Variants in FILIP1L observed in about 807,000 individuals in gnomAD.
FILIP1L encodes the protein filamin A-interacting protein 1-like.
FILIP1L carries 55 observed loss-of-function variants against 96.6 expected under a neutral mutation model. The ratio of observed to expected loss-of-function variants is 0.57; its 90% CI spans 0.46 to 0.71. FILIP1L has a LOEUF of 0.71. Ranked by LOEUF, FILIP1L falls within the 30% of genes least tolerant of loss-of-function variation. FILIP1L has a pLI of 0.00. For missense variants in FILIP1L, 1,304 were observed against 1,321.2 expected, an observed-to-expected ratio of 0.99 and a Z score of 0.20; for synonymous variants, 467 against 473.9, an observed-to-expected ratio of 0.99 and a Z score of 0.19.
intron 4 of FILIP1L, among the ~76,000 whole-genome samples, chr3:99,915,487 G>A (rs949959882): frequency 3.3e-5 from 5 of 152,204 alleles, no homozygotes; most frequent in Non-Finnish European, 5.9e-5. Flanking sequence ...GGAGACTTTG[G>A]ATGTACTTAA....
rs1942834854 is a variant in FILIP1L, at chr3:99,834,921, T to C, written c.3382-4316A>G. On this transcript the variant is annotated intron_variant, in intron 5 of 5. Transcript: ENST00000477258. ...GGATTGAAATACCTACTTGTAAGTT[T>C]TCTTTGGGGAGTAGAGATATTGTGT... 3.3e-5 allele frequency among the ~76,000 whole-genome samples: 5 copies of C among 152,232 alleles called. No homozygotes were observed. The South Asian group carries it at 1.0e-3, about 32-fold the overall frequency.
At chr3:100,095,542 G>A (rs2066190579) in intron 1 of FILIP1L, among the ~76,000 whole-genome samples, 1 of 151,774 alleles carries the variant, frequency 6.6e-6, no homozygotes, top group South Asian at 2.1e-4. Context: ...CCAATAAATG[G>A]TGCTAGGAAA....
intron 4 of FILIP1L, among the ~76,000 whole-genome samples, chr3:99,903,796 T>G (rs1201438773): frequency 2.6e-5 from 4 of 152,166 alleles, no homozygotes; most frequent in Non-Finnish European, 4.4e-5. Flanking sequence ...TTTACTAAGA[T>G]GCTTCATATA....
chr3:99,991,447 A>G (rs1487656321), intron 1 of FILIP1L, among the ~76,000 whole-genome samples: 1 of 152,092 alleles, frequency 6.6e-6, no homozygotes, highest in African/African-American at 2.4e-5. Flanking sequence ...TTGATTTTAA[A>G]TCTATCTTTT....
In FILIP1L at chr3:99,829,652, G is replaced by C. The variant is rs755751471; in HGVS notation, c.*762C>G. 6.6e-6 allele frequency among the ~76,000 whole-genome samples: 1 copy of C among 152,136 alleles called. No homozygotes were observed. The highest frequency in any genetic ancestry group is 2.1e-4 in the South Asian group (1 of 4,828). ...GCTTTTGTTGAATCAACTGATTTTCGATAGTGTTTATTCAGAGAAGAGATA... is the reference window on the plus strand; with the variant it reads ...GCTTTTGTTGAATCAACTGATTTTCCATAGTGTTTATTCAGAGAAGAGATA... On this transcript the variant is annotated 3_prime_UTR_variant, in exon 6 of 6. Transcript: ENST00000477258.
At chr3:99,901,343 T>G (rs1401221297) in intron 4 of FILIP1L, among the ~76,000 whole-genome samples, 1 of 152,204 alleles carries the variant, frequency 6.6e-6, no homozygotes, top group Non-Finnish European at 1.5e-5. Flanking sequence ...GTTTATGGTT[T>G]GTTGTCTCAG....
chr3:99,868,859 T>G (rs1944644941), intron 4 of FILIP1L, among the ~76,000 whole-genome samples: 1 of 152,206 alleles, frequency 6.6e-6, no homozygotes, highest in South Asian at 2.1e-4. Flanking sequence ...CCACAGCCCT[T>G]ACAGCTTTAT....
chr3:99,914,589 G>C (rs1023110082), intron 4 of FILIP1L, among the ~76,000 whole-genome samples: 1 of 152,152 alleles, frequency 6.6e-6, no homozygotes, highest in Non-Finnish European at 1.5e-5. Context: ...AAGTTATAAA[G>C]TAAGAAATTG....
At chr3:99,920,558 G>T (rs1379342030) in intron 4 of FILIP1L, among the ~76,000 whole-genome samples, 1 of 152,188 alleles carries the variant, frequency 6.6e-6, no homozygotes, top group Non-Finnish European at 1.5e-5. Flanking sequence ...CATGAAACAT[G>T]GATAGAATAT....
At chr3:99,879,428 T>C (rs991035446) in intron 4 of FILIP1L, among the ~76,000 whole-genome samples, 1 of 152,198 alleles carries the variant, frequency 6.6e-6, no homozygotes, top group Non-Finnish European at 1.5e-5. Flanking sequence ...ACATCATCAT[T>C]ATTTAACTTT....
intron 1 of FILIP1L, among the ~76,000 whole-genome samples, chr3:100,030,226 A>G (rs1156292320): frequency 1.3e-5 from 2 of 152,104 alleles, no homozygotes; most frequent in African/African-American, 4.8e-5. Flanking sequence ...CTTTTTGGGC[A>G]TTTTGACTGT....
intron 1 of FILIP1L, among the ~76,000 whole-genome samples, chr3:100,055,827 A>G (rs1377499350): frequency 2.6e-5 from 4 of 152,184 alleles, no homozygotes; most frequent in African/African-American, 9.7e-5. Context: ...TTTCTTGTTT[A>G]TATTAAATTA....
In FILIP1L at chr3:100,027,701, A is replaced by G. The variant is rs541711608; in HGVS notation, c.-11+86352T>C. Among the ~76,000 whole-genome samples the G allele has an allele frequency of 5.9e-5, 9 of 152,316 alleles. No homozygotes were observed. In the South Asian group the frequency reaches 1.9e-3, roughly 32 times the overall value. On this transcript the variant is annotated intron_variant, in intron 1 of 5. Transcript: ENST00000477258. ...GTGAATTATTTCAGCCTCCTGAGTG[A>G]ACTTTCAAATCTCTGAAGGTAGCAC...
At chr3:100,092,148 T>C (rs1450161722) in intron 1 of FILIP1L, among the ~76,000 whole-genome samples, 1 of 152,236 alleles carries the variant, frequency 6.6e-6, no homozygotes, top group Non-Finnish European at 1.5e-5. Context: ...ATTTTTAAGT[T>C]GGATCTAAAA....
At chr3:100,010,258 A>C in intron 1 of FILIP1L, 1 of 355,618 alleles carries the variant, frequency 2.8e-6, no homozygotes, top group Non-Finnish European at 3.9e-6. Flanking sequence ...CCCCCACAAC[A>C]TTGTCCTTAG....
At chr3:99,905,384 A>G (rs1402790135) in intron 4 of FILIP1L, among the ~76,000 whole-genome samples, 1 of 152,060 alleles carries the variant, frequency 6.6e-6, no homozygotes, top group Non-Finnish European at 1.5e-5. Context: ...CTTGTCCTCT[A>G]CCAGTCTTCT....
chr3:99,942,549 T>C (rs1707880894), intron 1 of FILIP1L, among the ~76,000 whole-genome samples: 2 of 152,162 alleles, frequency 1.3e-5, no homozygotes, highest in Non-Finnish European at 2.9e-5. Context: ...AGTGGTTTCC[T>C]TGCCAGTCGC....
chr3:99,889,946 G>A (rs1376280979), intron 4 of FILIP1L, among the ~76,000 whole-genome samples: 1 of 151,956 alleles, frequency 6.6e-6, no homozygotes, highest in Non-Finnish European at 1.5e-5. Flanking sequence ...GGCAATTATT[G>A]GTTTAGATAT....
chr3:99,987,434 C>G (rs931814159), intron 1 of FILIP1L, among the ~76,000 whole-genome samples: 1 of 148,920 alleles, frequency 6.7e-6, no homozygotes, highest in Non-Finnish European at 1.5e-5. Flanking sequence ...GAGGCTGAGA[C>G]AGGAGACTCT....
Sources: gnomAD v4.1 joint callset for allele counts (sites outside exome capture counted in the v4.1 genomes callset) on GRCh38, gnomAD v4.1.1 for gene constraint, MANE v1.5 for transcripts, NCBI Gene and HGNC (gene_info 2026-07-23, HGNC 2026-07-21) for gene names.